The following PLCB1 variants were observed in gnomAD, a reference collection of about 807,000 sequenced individuals.
PLCB1 encodes phospholipase C beta 1, also known as 1-phosphatidylinositol 4,5-bisphosphate phosphodiesterase beta-1.
PLCB1 carries 46 observed loss-of-function variants against 161.8 expected under a neutral mutation model. That is an observed-to-expected ratio of 0.28 (90% CI 0.22 to 0.36). PLCB1 has a LOEUF of 0.36. Ranked by LOEUF, PLCB1 falls within the 10% of genes least tolerant of loss-of-function variation. PLCB1 has a pLI of 1.00. For missense variants in PLCB1, 1,016 were observed against 1,472.5 expected (o/e 0.69, Z 5.07); for synonymous variants, 517 against 503.7 (o/e 1.03, Z -0.35).
chr20:8,774,328 C>T (rs1022792605), intron 26 of PLCB1, among the ~76,000 whole-genome samples: 5 of 152,206 alleles, frequency 3.3e-5, no homozygotes, highest in Non-Finnish European at 7.3e-5. Flanking sequence ...CTGCCTCTTT[C>T]TAGAGCACCA....
At chr20:8,881,529 C>T (rs1987988636) in intron 31 of PLCB1, 93 bp from the exon 32 acceptor site, 1 of 890,764 alleles carries the variant, frequency 1.1e-6, no homozygotes, top group East Asian at 2.4e-5. Context: ...TATTCATCAG[C>T]CCCTTTTGTA....
intron 12 of PLCB1, among the ~76,000 whole-genome samples, chr20:8,712,932 G>A (rs533900578): frequency 2.0e-5 from 3 of 152,156 alleles, no homozygotes; most frequent in Non-Finnish European, 2.9e-5. Context: ...AACACTTCAG[G>A]ATTTTGTTTT....
At chr20:8,275,250 A>AGTGTGTGTGTGTGTGT (rs3031931) in intron 2 of PLCB1, among the ~76,000 whole-genome samples, 51 of 145,372 alleles carry the variant, frequency 3.5e-4, no homozygotes, top group African/African-American at 1.1e-3. Flanking sequence ...CATCAGCGTG[A>AGTGTGTGTGTGTGTGT]GTGTGTGTGT....
At chr20:8,820,946 T>C (rs1025164451) in intron 31 of PLCB1, among the ~76,000 whole-genome samples, 2 of 152,154 alleles carry the variant, frequency 1.3e-5, no homozygotes, top group Non-Finnish European at 2.9e-5. Flanking sequence ...TATTTTAGTA[T>C]ACAAATATGA....
At chr20:8,600,521 T>G (rs1238178328) in intron 3 of PLCB1, among the ~76,000 whole-genome samples, 1 of 150,892 alleles carries the variant, frequency 6.6e-6, no homozygotes, top group African/African-American at 2.4e-5. Flanking sequence ...GACAGGGACA[T>G]TTAAGTCTGC....
chr20:8,532,782 A>C, intron 3 of PLCB1, among the ~76,000 whole-genome samples: 1 of 152,186 alleles, frequency 6.6e-6, no homozygotes, highest in East Asian at 1.9e-4. Context: ...GAAAAAAGGC[A>C]GGAAGGCAGA....
chr20:8,367,347 T>C (rs562550487), intron 2 of PLCB1, among the ~76,000 whole-genome samples: 5 of 152,324 alleles, frequency 3.3e-5, no homozygotes, highest in Admixed American at 2.0e-4. Flanking sequence ...CAGCATCACC[T>C]GGAGGTTTAT....
intron 2 of PLCB1, among the ~76,000 whole-genome samples, chr20:8,276,926 T>TCTTTTC: frequency 9.5e-6 from 1 of 104,772 alleles, no homozygotes; most frequent in Non-Finnish European, 1.9e-5. Flanking sequence ...GTCTTCTTCT[T>TCTTTTC]TTCTTCTTCT....
rs1202132134 is a variant in PLCB1, at chr20:8,388,805, A to C, written c.246+17355A>C. Among the ~76,000 whole-genome samples, 4 of 152,178 alleles carry C rather than the reference A, an allele frequency of 2.6e-5. No individual in the cohort carries two copies. The East Asian group carries it at 7.7e-4, about 29-fold the overall frequency. On this transcript the variant is annotated intron_variant, in intron 3 of 31. Transcript: ENST00000338037. Reference sequence around the variant, plus strand: ...ATGGTTTTGACAGCTATTCACATTTATCTTTAGATGTAAATTATATGGCAT... The same window carrying C: ...ATGGTTTTGACAGCTATTCACATTTCTCTTTAGATGTAAATTATATGGCAT...
intron 16 of PLCB1, 108 bp from the exon 17 acceptor site, chr20:8,727,201 C>A: frequency 1.8e-6 from 1 of 550,116 alleles, no homozygotes. Flanking sequence ...GATTATTTGC[C>A]CTCAACTTCA....
intron 31 of PLCB1, among the ~76,000 whole-genome samples, chr20:8,880,107 A>G (rs1021864322): frequency 4.0e-5 from 6 of 148,236 alleles, no homozygotes; most frequent in Admixed American, 1.3e-4. Context: ...AAGCAGGGGG[A>G]AAAATACAGG....
intron 19 of PLCB1, among the ~76,000 whole-genome samples, chr20:8,733,685 TG>T: frequency 6.6e-6 from 1 of 151,102 alleles, no homozygotes; most frequent in Non-Finnish European, 1.5e-5. Context: ...ATACACCTAA[TG>T]CTAAATGACG....
At chr20:8,415,040 A>G (rs1213823986) in intron 3 of PLCB1, among the ~76,000 whole-genome samples, 1 of 152,230 alleles carries the variant, frequency 6.6e-6, no homozygotes, top group African/African-American at 2.4e-5. Flanking sequence ...AACACTGAGA[A>G]TTCTTTATTG....
intron 3 of PLCB1, among the ~76,000 whole-genome samples, chr20:8,513,495 G>A (rs367798975): frequency 1.8e-4 from 28 of 152,274 alleles, no homozygotes; most frequent in South Asian, 4.1e-4. Flanking sequence ...TTAAATGCAC[G>A]AAGTGTGCTA....
intron 2 of PLCB1, among the ~76,000 whole-genome samples, chr20:8,204,684 C>T (rs550507749): frequency 2.6e-5 from 4 of 152,132 alleles, no homozygotes; most frequent in East Asian, 1.9e-4. Context: ...GCACATGCTT[C>T]GGGTACGGCC....
intron 2 of PLCB1, among the ~76,000 whole-genome samples, chr20:8,284,289 T>A (rs1013176742): frequency 6.6e-6 from 1 of 152,264 alleles, no homozygotes; most frequent in Admixed American, 6.5e-5. Context: ...CATATACACA[T>A]GCATTTCAAA....
intron 3 of PLCB1, among the ~76,000 whole-genome samples, chr20:8,537,035 A>T (rs534475318): frequency 6.6e-6 from 1 of 152,358 alleles, no homozygotes; most frequent in South Asian, 2.1e-4. Context: ...AGTGGAAGTT[A>T]TTCAAGTTAG....
At chr20:8,295,825 T>C (rs1436707407) in intron 2 of PLCB1, among the ~76,000 whole-genome samples, 1 of 152,074 alleles carries the variant, frequency 6.6e-6, no homozygotes, top group Non-Finnish European at 1.5e-5. Context: ...TCCTCCCACC[T>C]CAGCCTCCCG....
At chr20:8,679,925 G>C (rs922905163) in intron 9 of PLCB1, among the ~76,000 whole-genome samples, 1 of 151,998 alleles carries the variant, frequency 6.6e-6, no homozygotes, top group Non-Finnish European at 1.5e-5. Flanking sequence ...TTTTAATTTA[G>C]CTAGAAATAA....
Sources: gnomAD v4.1 joint callset for allele counts (sites outside exome capture counted in the v4.1 genomes callset) on GRCh38, gnomAD v4.1.1 for gene constraint, MANE v1.5 for transcripts, NCBI Gene and HGNC (gene_info 2026-07-23, HGNC 2026-07-21) for gene names.